ADGRG4: variants seen among roughly 807,000 people sequenced by gnomAD.
The protein encoded by ADGRG4 is adhesion G protein-coupled receptor G4.
Under a neutral mutation model 126.2 loss-of-function variants are expected in ADGRG4, and 122 were observed. The ratio of observed to expected loss-of-function variants is 0.97; its 90% CI spans 0.83 to 1.12. The LOEUF is 1.12. Among genes scored for constraint, ADGRG4 ranks in the 50% most tolerant of loss-of-function variants. The pLI is 0.00. For missense variants in ADGRG4, 2,481 were observed against 2,251.8 expected, an observed-to-expected ratio of 1.10 and a Z score of -2.06; for synonymous variants, 943 against 838.7, an observed-to-expected ratio of 1.12 and a Z score of -2.15.
At chrX:136,385,456 TTTTG>T (rs1158201077) in intron 15 of ADGRG4, among the ~76,000 whole-genome samples, 1 of 111,919 alleles carries the variant, frequency 8.9e-6, no homozygotes, top group Non-Finnish European at 1.9e-5. Context: ...AGAATTTCTG[TTTTG>T]TTTGTTTCTG....
At chrX:136,354,002 C>T (rs939728247) in intron 8 of ADGRG4, among the ~76,000 whole-genome samples, 8 of 111,565 alleles carry the variant, frequency 7.2e-5, no homozygotes, top group African/African-American at 2.0e-4. Context: ...AGGGACACCC[C>T]GCAGAAGCTC....
intron 10 of ADGRG4, 152 bp downstream of exon 10, chrX:136,357,908 T>C (rs999018736): frequency 2.3e-5 from 10 of 432,171 alleles, no homozygotes; most frequent in Admixed American, 3.7e-5. Context: ...AATTAGGTCC[T>C]TGCCTTCATG....
At position 136,345,976 on chromosome X, in the gene ADGRG4, C is replaced by T; in HGVS notation, c.2270C>T (p.Thr757Ile). 8.3e-7 allele frequency: 1 copy of T among 1,209,639 alleles called. No homozygotes were observed. Among genetic ancestry groups the T allele is most frequent in the South Asian group, 1.8e-5 (1 of 56,640 alleles). Reference protein sequence around the residue: ...SITNMPEFKLTTLLLKTIPMS... With the variant: ...SITNMPEFKLITLLLKTIPMS... ...ACCAATATGCCTGAATTTAAACTTACCACTTTACTACTAAAAACAATACCT... is the reference window on the plus strand; with the variant it reads ...ACCAATATGCCTGAATTTAAACTTATCACTTTACTACTAAAAACAATACCT... The change falls in exon 6 of 26, where the codon ACC becomes ATC. Residue 757 changes from threonine (T) to isoleucine (I), a missense_variant. Coordinates refer to ENST00000394143, the MANE Select transcript of ADGRG4 (RefSeq NM_153834.4).
intron 15 of ADGRG4, among the ~76,000 whole-genome samples, chrX:136,382,704 G>T (rs1044436980): frequency 9.0e-6 from 1 of 111,589 alleles, no homozygotes; most frequent in Non-Finnish European, 1.9e-5. Context: ...CCTTACCTCC[G>T]TTGTAGAGTA....
intron 4 of ADGRG4, among the ~76,000 whole-genome samples, chrX:136,313,838 G>T (rs1197332882): frequency 8.1e-5 from 9 of 111,549 alleles, no homozygotes; most frequent in African/African-American, 2.9e-4. Flanking sequence ...GGTCTATCAA[G>T]GTAGGGCTTA....
At chrX:136,317,531 A>G (rs2074813297) in intron 4 of ADGRG4, among the ~76,000 whole-genome samples, 3 of 108,522 alleles carry the variant, frequency 2.8e-5, no homozygotes. Context: ...AAAGAAAGAA[A>G]TGAAATGAAA....
chrX:136,340,286 G>C (rs1383909658), intron 5 of ADGRG4, among the ~76,000 whole-genome samples: 1 of 111,415 alleles, frequency 9.0e-6, no homozygotes, highest in Non-Finnish European at 1.9e-5. Context: ...TTAATTTCTA[G>C]ACTTAAGGTT....
chrX:136,356,245 A>C, intron 9 of ADGRG4, 80 bp downstream of exon 9: 1 of 611,009 alleles, frequency 1.6e-6, no homozygotes, highest in Non-Finnish European at 2.5e-6. Flanking sequence ...CTTCCACCCA[A>C]GTATATATTA....
chrX:136,326,776 C>T (rs1193530924), intron 5 of ADGRG4, among the ~76,000 whole-genome samples: 2 of 110,820 alleles, frequency 1.8e-5, no homozygotes, highest in African/African-American at 6.6e-5. Context: ...TCAGCTTTTG[C>T]CTAATAAATT....
At position 136,395,451 on chromosome X, in the gene ADGRG4, A is replaced by T. The variant is rs766645355; in HGVS notation, c.8142A>T (p.Thr2714=). The T allele has an allele frequency of 3.3e-6, 4 of 1,197,404 alleles. No individual in the cohort carries two copies. Among genetic ancestry groups the T allele is most frequent in the Non-Finnish European group, 4.5e-6 (4 of 884,628 alleles). The part of the protein sequence containing the change: ...CKVKETNVNY[T]ICQCDHLTHF... ...TAAAGGAAACAAATGTAAATTACAC[A>T]ATCTGTCAGTGTGACCACCTCACCC... The change falls in exon 19 of 26, where the codon ACA becomes ACT. Residue 2714 remains threonine, a synonymous_variant. Transcript: ENST00000394143.
Position 136,349,138 on chromosome X carries a change from C to T in ADGRG4, c.5432C>T (p.Ala1811Val). Residue 1811 changes from alanine to valine, a missense_variant, in exon 6 of 26, where the codon GCC becomes GTC. Transcript: ENST00000394143. ...GAAAAGACTTCCTTAACAAACTATG[C>T]CACATCTTTGAATACCCCTGTTTCA... is the stretch of plus-strand genomic sequence containing the variant. ...LLEKTSLTNY[A>V]TSLNTPVSYP... 10 of 1,200,288 alleles carry T rather than the reference C, an allele frequency of 8.3e-6. No homozygotes were observed. Among genetic ancestry groups the T allele is most frequent in the Non-Finnish European group, 1.1e-5 (10 of 885,481 alleles).
At position 136,412,269 on chromosome X, in the gene ADGRG4, C is replaced by A; in HGVS notation, c.8940C>A (p.Phe2980Leu). The A allele has an allele frequency of 1.7e-6, 2 of 1,190,627 alleles. No individual in the cohort carries two copies. Among genetic ancestry groups the A allele is most frequent in the Non-Finnish European group, 2.3e-6 (2 of 876,214 alleles). Reference sequence around the variant, plus strand: ...GACCTTCTTCTTCTGGCTTAGGATTCTTCATTTTTGTGTTTCACTGTGTGA... The same window carrying A: ...GACCTTCTTCTTCTGGCTTAGGATTATTCATTTTTGTGTTTCACTGTGTGA... ...LFAIFNTLQG[F>L]FIFVFHCVMK... Residue 2980 changes from phenylalanine (F) to leucine (L), a missense_variant, in exon 24 of 26, where the codon TTC becomes TTA. Phe to Leu is a conservative substitution (Grantham distance 22). Transcript: ENST00000394143.
chrX:136,396,387 G>A (rs866360285), intron 19 of ADGRG4, among the ~76,000 whole-genome samples: 1 of 99,630 alleles, frequency 1.0e-5, no homozygotes, highest in East Asian at 3.0e-4. Context: ...ATATATATAT[G>A]TATGTATATA....
intron 5 of ADGRG4, among the ~76,000 whole-genome samples, chrX:136,330,653 T>C (rs1267286463): frequency 9.0e-6 from 1 of 111,570 alleles, no homozygotes; most frequent in Non-Finnish European, 1.9e-5. Flanking sequence ...TTGGCTTGGC[T>C]GTATGGAAGT....
chrX:136,396,914 C>T (rs1224724495), intron 19 of ADGRG4, among the ~76,000 whole-genome samples: 1 of 109,286 alleles, frequency 9.2e-6, no homozygotes, highest in Non-Finnish European at 1.9e-5. Context: ...TCAGCCTCCC[C>T]AGTAGCTGGG....
At chrX:136,316,369 G>T (rs1329705499) in intron 4 of ADGRG4, among the ~76,000 whole-genome samples, 1 of 110,167 alleles carries the variant, frequency 9.1e-6, no homozygotes, top group Non-Finnish European at 1.9e-5. Context: ...GCTGTCATAA[G>T]CAGAAAACAA....
In ADGRG4 at chrX:136,351,550, A is replaced by T; in HGVS notation, c.6822+9A>T. 2 of 914,026 alleles carry T rather than the reference A, an allele frequency of 2.2e-6. No individual in the cohort carries two copies. The highest frequency in any genetic ancestry group is 1.5e-6 in the Non-Finnish European group (1 of 649,321). The allele number at this position is 914,026 out of a possible 1,213,427, so 75.3% of individuals were successfully genotyped here. ...AATTTACGGAAAATTCGGTAAAATA[A>T]TCTTTTGCATATTTATGGCATATAT... On this transcript the variant is annotated intron_variant, in intron 7 of 25. Coordinates refer to ENST00000394143, the MANE Select transcript of ADGRG4 (RefSeq NM_153834.4).
chrX:136,308,905 A>G, intron 4 of ADGRG4, 58 bp downstream of exon 4: 1 of 728,620 alleles, frequency 1.4e-6, no homozygotes, highest in Non-Finnish European at 2.1e-6. Flanking sequence ...AGGTTATAGA[A>G]ATAAACCATT....
chrX:136,383,873 T>C (rs866329443), intron 15 of ADGRG4, among the ~76,000 whole-genome samples: 108 of 92,144 alleles, frequency 1.2e-3, no homozygotes, highest in Non-Finnish European at 1.4e-3. Context: ...TTTCTTTCTT[T>C]CTTCTTTCTT....
Sources: gnomAD v4.1 joint callset for allele counts (sites outside exome capture counted in the v4.1 genomes callset) on GRCh38, gnomAD v4.1.1 for gene constraint, MANE v1.5 for transcripts, NCBI Gene and HGNC (gene_info 2026-07-23, HGNC 2026-07-21) for gene names.